Variants in STRN observed in about 807,000 individuals in gnomAD.
STRN encodes striatin.
A neutral mutation model predicts 96.3 loss-of-function variants in STRN; 53 were observed. The ratio of observed to expected loss-of-function variants is 0.55; its 90% confidence interval spans 0.44 to 0.69. The LOEUF (loss-of-function observed/expected upper bound fraction) is 0.69. Among genes scored for constraint, STRN ranks in the 30% least tolerant of loss-of-function variants. The pLI is 0.00. For missense variants in STRN, 987 were observed against 963.9 expected, an observed-to-expected ratio of 1.02 and a Z score of -0.32; for synonymous variants, 428 against 355.9, an observed-to-expected ratio of 1.20 and a Z score of -2.28.
chr2:36,853,818 A>G (rs939448310), intron 15 of STRN, among the ~76,000 whole-genome samples: 64 of 152,360 alleles, frequency 4.2e-4, no homozygotes, highest in African/African-American at 1.4e-3. Context: ...ACAGTAAAAC[A>G]TAATAAGAGA....
At chr2:36,906,168 T>C (rs1408963584) in intron 3 of STRN, among the ~76,000 whole-genome samples, 2 of 152,002 alleles carry the variant, frequency 1.3e-5, no homozygotes, top group Non-Finnish European at 2.9e-5. Context: ...AATTAAAAAT[T>C]AAAAATAAAT....
intron 7 of STRN, among the ~76,000 whole-genome samples, chr2:36,892,227 T>A (rs1237869133): frequency 6.6e-6 from 1 of 152,070 alleles, no homozygotes; most frequent in African/African-American, 2.4e-5. Context: ...CTTAGGGACA[T>A]AAAGATGGCA....
chr2:36,867,760 C>A, intron 12 of STRN, 54 bp downstream of exon 12: 5 of 1,192,780 alleles, frequency 4.2e-6, no homozygotes, highest in South Asian at 1.7e-5. Flanking sequence ...AATATCCTAA[C>A]CAGGCTATTT....
At chr2:36,852,166 TCA>T (rs1379992695) in intron 15 of STRN, among the ~76,000 whole-genome samples, 1 of 152,228 alleles carries the variant, frequency 6.6e-6, no homozygotes, top group Non-Finnish European at 1.5e-5. Flanking sequence ...TCCTAAATGA[TCA>T]CACATTCTTC....
intron 5 of STRN, 96 bp downstream of exon 5, chr2:36,902,486 CTA>C (rs1328644016): frequency 1.8e-5 from 14 of 792,870 alleles, no homozygotes; most frequent in Middle Eastern, 3.0e-4. Flanking sequence ...TAAATTATTT[CTA>C]TGTCACTACC....
chr2:36,940,535 A>T (rs935177291), intron 1 of STRN, among the ~76,000 whole-genome samples: 3 of 152,148 alleles, frequency 2.0e-5, no homozygotes, highest in Non-Finnish European at 4.4e-5. Flanking sequence ...TCTTAAAAAA[A>T]GTAAATTAGG....
chr2:36,956,955 T>C (rs182761165), intron 1 of STRN, among the ~76,000 whole-genome samples: 1 of 152,312 alleles, frequency 6.6e-6, no homozygotes, highest in Admixed American at 6.5e-5. Context: ...TTTCACAATT[T>C]TCTTAAAAGC....
chr2:36,901,466 G>T (rs2148198603), intron 5 of STRN, among the ~76,000 whole-genome samples: 1 of 151,160 alleles, frequency 6.6e-6, no homozygotes, highest in African/African-American at 2.4e-5. Context: ...GCAGGAGAAT[G>T]GCGTGAACCC....
chr2:36,838,485 A>C lies in STRN; in HGVS notation c.*10971T>G, dbSNP rs1197394746. On this transcript the variant is annotated 3_prime_UTR_variant, in exon 18 of 18. Coordinates refer to ENST00000263918, the MANE Select transcript of STRN (RefSeq NM_003162.4). ...GATGTCTACATTTATAGTAGTCAGG[A>C]AAATGGAAATTAAAATAACACTGAA... Among the ~76,000 whole-genome samples, 1 of 152,228 alleles carries C rather than the reference A, an allele frequency of 6.6e-6. No individual in the cohort carries two copies.
intron 2 of STRN, among the ~76,000 whole-genome samples, chr2:36,923,950 C>T (rs903655239): frequency 1.6e-4 from 25 of 152,126 alleles, no homozygotes; most frequent in Non-Finnish European, 3.5e-4. Context: ...TTTTCCTTTA[C>T]TTGTGACCCA....
At chr2:36,894,861 TC>T (rs1669497898) in intron 6 of STRN, among the ~76,000 whole-genome samples, 1 of 152,158 alleles carries the variant, frequency 6.6e-6, no homozygotes, top group South Asian at 2.1e-4. Context: ...ATGGCCCTGT[TC>T]CCATGCTGTT....
At position 36,966,484 on chromosome 2, in the gene STRN, G is replaced by C. The variant is rs535495726; in HGVS notation, c.-21C>G. The C allele has an allele frequency of 5.0e-6, 7 of 1,412,588 alleles. No homozygotes were observed. The African/African-American group carries it at 1.1e-4, about 21-fold the overall frequency. The allele number at this position is 1,412,588 out of a possible 1,614,324, so 87.5% of individuals were successfully genotyped here. Reference sequence around the variant, plus strand: ...TCCATGGCGGCCGCAGATACCCGGGGAGCTGCCCCGGCGCCCAGCAGCGGA... The same window carrying C: ...TCCATGGCGGCCGCAGATACCCGGGCAGCTGCCCCGGCGCCCAGCAGCGGA... On this transcript the variant is annotated 5_prime_UTR_variant, in exon 1 of 18. Coordinates refer to ENST00000263918, the MANE Select transcript of STRN (RefSeq NM_003162.4).
At chr2:36,909,234 C>T (rs1669904250) in intron 3 of STRN, among the ~76,000 whole-genome samples, 1 of 151,624 alleles carries the variant, frequency 6.6e-6, no homozygotes, top group Non-Finnish European at 1.5e-5. Flanking sequence ...CTTACTCAGG[C>T]TAAGCTCGCA....
chr2:36,870,941 C>T (rs768789326), intron 10 of STRN, among the ~76,000 whole-genome samples: 4 of 151,404 alleles, frequency 2.6e-5, no homozygotes, highest in South Asian at 2.1e-4. Flanking sequence ...GGTTAATATG[C>T]GTATGTGTAT....
intron 9 of STRN, among the ~76,000 whole-genome samples, chr2:36,879,966 T>C (rs1369893533): frequency 7.1e-6 from 1 of 141,118 alleles, no homozygotes; most frequent in Non-Finnish European, 1.6e-5. Flanking sequence ...CCCTATATCT[T>C]AAAAAAAAAA....
At chr2:36,893,215 T>C (rs530343952) in intron 7 of STRN, among the ~76,000 whole-genome samples, 2 of 152,284 alleles carry the variant, frequency 1.3e-5, no homozygotes, top group East Asian at 1.9e-4. Context: ...AAAGTCAATA[T>C]ACAACTCTAA....
At chr2:36,946,960 A>T (rs896432551) in intron 1 of STRN, among the ~76,000 whole-genome samples, 14 of 151,852 alleles carry the variant, frequency 9.2e-5, no homozygotes, top group African/African-American at 3.4e-4. Context: ...CAGTGGTGAG[A>T]TTTCGGCTCA....
intron 14 of STRN, among the ~76,000 whole-genome samples, chr2:36,855,892 C>CA (rs1668332350): frequency 1.3e-5 from 2 of 152,012 alleles, no homozygotes; most frequent in South Asian, 4.2e-4. Context: ...ATCTAGAATA[C>CA]ATGAAAACTT....
chr2:36,902,454 T>C (rs1301539010), intron 5 of STRN, 130 bp downstream of exon 5: 2 of 574,852 alleles, frequency 3.5e-6, no homozygotes, highest in Non-Finnish European at 2.6e-6. Context: ...CCAAATAAAA[T>C]GTTAGAATTT....
Sources: gnomAD v4.1 joint callset for allele counts (sites outside exome capture counted in the v4.1 genomes callset) on GRCh38, gnomAD v4.1.1 for gene constraint, MANE v1.5 for transcripts, NCBI Gene and HGNC (gene_info 2026-07-23, HGNC 2026-07-21) for gene names.